EPB41L3: variants seen among roughly 807,000 people sequenced by gnomAD.
EPB41L3 encodes the protein erythrocyte membrane protein band 4.1 like 3, also known as band 4.1-like protein 3.
In EPB41L3, 57 loss-of-function variants were observed where a neutral mutation model predicts 127.1. The observed-to-expected ratio is 0.45, with a 90% CI of 0.36 to 0.56. The LOEUF (loss-of-function observed/expected upper bound fraction) is 0.56. Ranked by LOEUF, EPB41L3 falls within the 20% of genes least tolerant of loss-of-function variation. The probability of loss-of-function intolerance (pLI) is 0.00; values close to 1 mark genes in which losing one functional copy is unlikely to be tolerated. For synonymous variants in EPB41L3, 572 were observed against 549.5 expected (o/e 1.04, Z -0.57); for missense variants, 1,273 against 1,372.2 (o/e 0.93, Z 1.14).
chr18:5,549,580 TAAAAA>T (rs1321781096), intron 3 of EPB41L3, among the ~76,000 whole-genome samples: 2 of 152,166 alleles, frequency 1.3e-5, no homozygotes, highest in East Asian at 3.9e-4. Flanking sequence ...ATAAAAATCT[TAAAAA>T]GAATAAAACT....
At chr18:5,498,608 A>AAAAAAAAAAAAAAAAG (rs1448249391) in intron 1 of EPB41L3, among the ~76,000 whole-genome samples, 3 of 144,596 alleles carry the variant, frequency 2.1e-5, no homozygotes. Flanking sequence ...AAAAAAAAAA[A>AAAAAAAAAAAAAAAAG]AAAGAAAATG....
chr18:5,428,030 T>C (rs1261274710), intron 9 of EPB41L3, among the ~76,000 whole-genome samples: 2 of 152,122 alleles, frequency 1.3e-5, no homozygotes. Context: ...GCTGGGATTA[T>C]AGGCGTGAGC....
chr18:5,414,422 T>G (rs1192205321), intron 13 of EPB41L3, among the ~76,000 whole-genome samples: 3 of 152,168 alleles, frequency 2.0e-5, no homozygotes, highest in Non-Finnish European at 2.9e-5. Flanking sequence ...CATTCACATT[T>G]TTTTCCTTCT....
intron 3 of EPB41L3, among the ~76,000 whole-genome samples, chr18:5,583,165 T>G (rs2094410629): frequency 6.6e-6 from 1 of 152,176 alleles, no homozygotes; most frequent in East Asian, 1.9e-4. Context: ...GCTGAGACAG[T>G]CAGACAACTG....
intron 1 of EPB41L3, among the ~76,000 whole-genome samples, chr18:5,618,403 G>A (rs758917923): frequency 1.3e-5 from 2 of 152,150 alleles, no homozygotes; most frequent in African/African-American, 4.8e-5. Flanking sequence ...TTCCTTATGC[G>A]GGAAATGTAA....
chr18:5,463,049 A>G (rs1046060470), intron 3 of EPB41L3, among the ~76,000 whole-genome samples: 1 of 152,094 alleles, frequency 6.6e-6, no homozygotes, highest in African/African-American at 2.4e-5. Flanking sequence ...TCCCCCTAAT[A>G]TATCCAATTG....
chr18:5,457,798 G>A (rs962026769), intron 3 of EPB41L3, among the ~76,000 whole-genome samples: 7 of 152,050 alleles, frequency 4.6e-5, no homozygotes, highest in African/African-American at 7.2e-5. Context: ...CCTTCTACCC[G>A]TTCGTCCTTC....
chr18:5,544,163 G>C (rs1048811968), upstream of EPB41L3: 3 of 985,384 alleles, frequency 3.0e-6, no homozygotes, highest in African/African-American at 5.2e-5. Flanking sequence ...GCGGGGGAGG[G>C]GGCCACCGCA....
intron 3 of EPB41L3, among the ~76,000 whole-genome samples, chr18:5,573,357 A>T (rs527789351): frequency 1.3e-5 from 2 of 152,360 alleles, no homozygotes; most frequent in African/African-American, 4.8e-5. Context: ...GAGGAATTTT[A>T]AAAAATTGCC....
intron 3 of EPB41L3, among the ~76,000 whole-genome samples, chr18:5,572,999 C>G (rs1284629201): frequency 6.6e-6 from 1 of 152,054 alleles, no homozygotes; most frequent in African/African-American, 2.4e-5. Context: ...TAAGGGGGAG[C>G]CAGGAGGGTG....
intron 3 of EPB41L3, among the ~76,000 whole-genome samples, chr18:5,603,857 C>T (rs554801613): frequency 8.1e-4 from 123 of 152,012 alleles, no homozygotes; most frequent in Admixed American, 1.7e-3. Context: ...CAAAGTGAGG[C>T]CTTGTCTCAA....
At chr18:5,628,868 C>G (rs2094954807) in intron 1 of EPB41L3, 1 of 151,786 alleles carries the variant, frequency 6.6e-6, no homozygotes, top group Admixed American at 6.6e-5. Context: ...CCGCGGCACG[C>G]AGCCCCTGAC....
At chr18:5,461,370 AT>A (rs1253931671) in intron 3 of EPB41L3, among the ~76,000 whole-genome samples, 1 of 152,218 alleles carries the variant, frequency 6.6e-6, no homozygotes, top group African/African-American at 2.4e-5. Context: ...ACTTATGTCT[AT>A]AAGCAGCAGC....
chr18:5,407,478 C>T (rs1178263033), intron 15 of EPB41L3: 1 of 573,332 alleles, frequency 1.7e-6, no homozygotes, highest in East Asian at 2.8e-5. Flanking sequence ...ACATTTTCAC[C>T]CTTTATTCGT....
chr18:5,395,781 A>C, intron 19 of EPB41L3, 74 bp from the exon 20 acceptor site: 20 of 1,122,468 alleles, frequency 1.8e-5, no homozygotes, highest in Admixed American at 1.8e-5. Context: ...ACGTTATTTA[A>C]GGCATTACGA....
intron 3 of EPB41L3, among the ~76,000 whole-genome samples, chr18:5,549,690 G>C (rs1719965): frequency 0.24 from 36,022 of 152,036 alleles, 5,815 homozygotes; most frequent in African/African-American, 0.46. Context: ...AAGCTCTGGG[G>C]TGGGGTCCAG....
intron 3 of EPB41L3, among the ~76,000 whole-genome samples, chr18:5,611,964 CAAAT>C (rs1203728747): frequency 6.6e-6 from 1 of 151,768 alleles, no homozygotes; most frequent in Non-Finnish European, 1.5e-5. Context: ...GTATCTAAAA[CAAAT>C]AAATAAATTG....
chr18:5,519,689 G>A (rs921999668), intron 1 of EPB41L3, among the ~76,000 whole-genome samples: 1 of 152,138 alleles, frequency 6.6e-6, no homozygotes, highest in South Asian at 2.1e-4. Flanking sequence ...GAGGGGACCG[G>A]GACAAATCTT....
chr18:5,453,019 T>C (rs1200014741), intron 3 of EPB41L3, among the ~76,000 whole-genome samples: 1 of 152,184 alleles, frequency 6.6e-6, no homozygotes, highest in African/African-American at 2.4e-5. Context: ...AGGACAGCTC[T>C]CCTTGGCACA....
Sources: allele counts gnomAD v4.1 joint callset (sites outside exome capture counted in the v4.1 genomes callset), GRCh38; gene constraint gnomAD v4.1.1; transcripts MANE v1.5; gene names NCBI Gene and HGNC (gene_info 2026-07-23, HGNC 2026-07-21).